GLG1: variants seen among roughly 807,000 people sequenced by gnomAD.
GLG1 encodes golgi glycoprotein 1, also known as Golgi apparatus protein 1.
GLG1 carries 38 observed loss-of-function variants against 160.5 expected under a neutral mutation model. The ratio of observed to expected loss-of-function variants is 0.24; its 90% CI spans 0.18 to 0.31. GLG1 has a LOEUF of 0.31. Among genes scored for constraint, GLG1 ranks in the 10% least tolerant of loss-of-function variants. The pLI, the probability that GLG1 is intolerant of heterozygous loss-of-function variation, is 1.00. For synonymous variants in GLG1, 644 were observed against 543.4 expected, an observed-to-expected ratio of 1.19 and a Z score of -2.57; for missense variants, 1,373 against 1,505.2, an observed-to-expected ratio of 0.91 and a Z score of 1.45.
intron 1 of GLG1, among the ~76,000 whole-genome samples, chr16:74,590,094 T>G (rs1177888081): frequency 6.6e-6 from 1 of 151,838 alleles, no homozygotes; most frequent in African/African-American, 2.4e-5. Context: ...GCCTCCAGGG[T>G]TCATGCCATT....
chr16:74,454,587 A>C (rs991734526), intron 25 of GLG1, among the ~76,000 whole-genome samples: 1 of 135,024 alleles, frequency 7.4e-6, no homozygotes, highest in South Asian at 2.4e-4. Flanking sequence ...AATTGCTTGA[A>C]CCCGGGAGGC....
intron 6 of GLG1, among the ~76,000 whole-genome samples, chr16:74,494,175 A>AC (rs1011713972): frequency 1.3e-5 from 2 of 150,230 alleles, no homozygotes; most frequent in Admixed American, 1.3e-4. Flanking sequence ...CTCCACTCAA[A>AC]AAAAAACAAA....
At chr16:74,575,235 G>T (rs1201199480) in intron 1 of GLG1, among the ~76,000 whole-genome samples, 1 of 151,856 alleles carries the variant, frequency 6.6e-6, no homozygotes, top group African/African-American at 2.4e-5. Context: ...CACAGAGCGA[G>T]ACTCCATCTG....
intron 1 of GLG1, among the ~76,000 whole-genome samples, chr16:74,599,273 C>T (rs1402348551): frequency 9.2e-5 from 14 of 152,154 alleles, no homozygotes. Context: ...GGACTGAAAA[C>T]ATTTTCAAGT....
chr16:74,486,064 A>G, intron 8 of GLG1, 147 bp from the exon 9 acceptor site: 1 of 596,918 alleles, frequency 1.7e-6, no homozygotes, highest in African/African-American at 1.9e-5. Flanking sequence ...CAAGCTCAAG[A>G]GCATTTGCCA....
At chr16:74,462,278 A>G (rs2014831552) in intron 21 of GLG1, 83 bp from the exon 22 acceptor site, 1 of 841,212 alleles carries the variant, frequency 1.2e-6, no homozygotes. Context: ...AAAAAAACAA[A>G]CAACAACAAC....
At chr16:74,531,499 T>TTTTTG (rs1427655623) in intron 2 of GLG1, among the ~76,000 whole-genome samples, 1 of 150,736 alleles carries the variant, frequency 6.6e-6, no homozygotes, top group Non-Finnish European at 1.5e-5. Flanking sequence ...TTGTTTTTTG[T>TTTTTG]TTTTTTTTAG....
At chr16:74,575,582 G>T (rs2018979190) in intron 1 of GLG1, among the ~76,000 whole-genome samples, 2 of 152,006 alleles carry the variant, frequency 1.3e-5, no homozygotes, top group Admixed American at 1.3e-4. Flanking sequence ...CAGCCTCAAA[G>T]ATCTCTCGCT....
chr16:74,552,008 G>C (rs2018212598), intron 1 of GLG1, among the ~76,000 whole-genome samples: 1 of 151,706 alleles, frequency 6.6e-6, no homozygotes, highest in African/African-American at 2.4e-5. Context: ...AATCTAAAAA[G>C]TTTGAAGTTT....
At chr16:74,529,111 C>A (rs1225185159) in intron 2 of GLG1, among the ~76,000 whole-genome samples, 1 of 151,816 alleles carries the variant, frequency 6.6e-6, no homozygotes, top group African/African-American at 2.4e-5. Context: ...GGATTACAGG[C>A]ACCTGCCACC....
rs563626830 is a variant in GLG1, at chr16:74,500,848, T to A, written c.774+2683A>T. Among the ~76,000 whole-genome samples the A allele has an allele frequency of 1.2e-3, 186 of 152,370 alleles. 1 individual carries two copies. The highest frequency in any genetic ancestry group is 4.4e-3 in the African/African-American group (183 of 41,592). Reference sequence around the variant, plus strand: ...GCCCTTTCATTTTGACAACATTTATTATTATATAAAATTCTAAAGCCTTTA... The same window carrying A: ...GCCCTTTCATTTTGACAACATTTATAATTATATAAAATTCTAAAGCCTTTA... On this transcript the variant is annotated intron_variant, in intron 4 of 25. Coordinates refer to ENST00000422840, the MANE Select transcript of GLG1 (RefSeq NM_001145667.2).
chr16:74,520,231 G>C (rs2017118525), intron 2 of GLG1, among the ~76,000 whole-genome samples: 1 of 152,130 alleles, frequency 6.6e-6, no homozygotes, highest in Non-Finnish European at 1.5e-5. Context: ...AGCATCCTCA[G>C]AATTTCCTTT....
At chr16:74,562,718 G>A (rs940279383) in intron 1 of GLG1, among the ~76,000 whole-genome samples, 9 of 152,062 alleles carry the variant, frequency 5.9e-5, no homozygotes, top group Admixed American at 2.0e-4. Flanking sequence ...CCAGTGATTC[G>A]CCCACCTCGG....
At chr16:74,606,510 T>G (rs940703579) in intron 1 of GLG1, 147 bp downstream of exon 1, 109 of 606,056 alleles carry the variant, frequency 1.8e-4, no homozygotes, top group Non-Finnish European at 2.9e-4. Flanking sequence ...TGAAAGCGCC[T>G]GGGAGTGAGG....
chr16:74,477,277 C>T, intron 12 of GLG1, 119 bp downstream of exon 12: 1 of 841,342 alleles, frequency 1.2e-6, no homozygotes, highest in East Asian at 2.5e-5. Flanking sequence ...TTGAACAATA[C>T]AACAAATCAC....
intron 13 of GLG1, among the ~76,000 whole-genome samples, chr16:74,473,212 T>G (rs116731518): frequency 2.7e-5 from 4 of 146,788 alleles, no homozygotes; most frequent in East Asian, 2.0e-4. Context: ...CTAATCCCCC[T>G]TTTTTTTTTT....
At chr16:74,562,374 T>C (rs1276134230) in intron 1 of GLG1, among the ~76,000 whole-genome samples, 1 of 152,236 alleles carries the variant, frequency 6.6e-6, no homozygotes, top group Admixed American at 6.5e-5. Flanking sequence ...CTCATGTATC[T>C]TCCTCTCCCA....
intron 13 of GLG1, chr16:74,472,678 C>T: frequency 1.4e-6 from 1 of 707,494 alleles, no homozygotes; most frequent in African/African-American, 1.8e-5. Flanking sequence ...GAGGTAAAAA[C>T]ACATGTAGCA....
intron 1 of GLG1, among the ~76,000 whole-genome samples, chr16:74,599,294 G>C (rs760571454): frequency 6.6e-6 from 1 of 152,040 alleles, no homozygotes; most frequent in African/African-American, 2.4e-5. Flanking sequence ...TCTCTATTTC[G>C]GTCAATACAG....
Sources: allele counts gnomAD v4.1 joint callset (sites outside exome capture counted in the v4.1 genomes callset), GRCh38; gene constraint gnomAD v4.1.1; transcripts MANE v1.5; gene names NCBI Gene and HGNC (gene_info 2026-07-23, HGNC 2026-07-21).